SCAPER: variants seen among roughly 807,000 people sequenced by gnomAD.
SCAPER encodes S-phase cyclin A associated protein in the ER.
Under a neutral mutation model 182.2 loss-of-function variants are expected in SCAPER, and 98 were observed. The observed-to-expected ratio is 0.54, with a 90% CI of 0.46 to 0.64. The LOEUF (loss-of-function observed/expected upper bound fraction) is 0.64. Among genes scored for constraint, SCAPER ranks in the 30% least tolerant of loss-of-function variants. The probability of loss-of-function intolerance (pLI) is 0.00; values close to 1 mark genes in which losing one functional copy is unlikely to be tolerated. For missense variants in SCAPER, 1,432 were observed against 1,690.0 expected, an observed-to-expected ratio of 0.85 and a Z score of 2.68; for synonymous variants, 605 against 564.6, an observed-to-expected ratio of 1.07 and a Z score of -1.01.
At chr15:76,477,097 A>G (rs536840922) in intron 24 of SCAPER, among the ~76,000 whole-genome samples, 1 of 152,116 alleles carries the variant, frequency 6.6e-6, no homozygotes, top group Non-Finnish European at 1.5e-5. Flanking sequence ...AAAGAACACA[A>G]CACCAAACTG....
intron 23 of SCAPER, among the ~76,000 whole-genome samples, chr15:76,513,504 G>A (rs1009747273): frequency 1.3e-5 from 2 of 152,134 alleles, no homozygotes; most frequent in Non-Finnish European, 2.9e-5. Context: ...AGCATGTGGC[G>A]TTAAATACCT....
rs764349202 is a variant in SCAPER, at chr15:76,765,387, T to C, written c.1563A>G (p.Pro521=). 1.2e-5 allele frequency: 19 copies of C among 1,613,872 alleles called. No individual in the cohort carries two copies. The highest frequency in any genetic ancestry group is 1.7e-5 in the Admixed American group (1 of 59,984). ...TTTCATGCATGTGAATTCCATGCCC[T>C]GGAGGTCTAGCAGGTTCTTCTTCTA... The part of the protein sequence containing the change: ...DIVEEEPARP[P]GHGIHMHEKL... The change falls in exon 13 of 32, where the codon CCA becomes CCG. Residue 521 remains proline (P), a synonymous_variant. Transcript: ENST00000563290.
chr15:76,662,921 C>A (rs2056306557), intron 21 of SCAPER, among the ~76,000 whole-genome samples: 1 of 151,426 alleles, frequency 6.6e-6, no homozygotes, highest in African/African-American at 2.4e-5. Context: ...TTAGACACAC[C>A]CAGAAAGCAC....
At chr15:76,648,800 A>G (rs2054768526) in intron 21 of SCAPER, among the ~76,000 whole-genome samples, 1 of 152,228 alleles carries the variant, frequency 6.6e-6, no homozygotes, top group Non-Finnish European at 1.5e-5. Context: ...CTGTGCCAAT[A>G]GGGAAAAAAG....
chr15:76,509,248 T>C (rs1159729169), intron 23 of SCAPER, among the ~76,000 whole-genome samples: 1 of 152,212 alleles, frequency 6.6e-6, no homozygotes, highest in Admixed American at 6.5e-5. Flanking sequence ...CATTTGCTCC[T>C]TTAGATTATC....
At chr15:76,644,020 A>G (rs899569970) in intron 21 of SCAPER, among the ~76,000 whole-genome samples, 1 of 152,148 alleles carries the variant, frequency 6.6e-6, no homozygotes, top group Non-Finnish European at 1.5e-5. Context: ...TCATATTAAG[A>G]CAGTAATTAT....
intron 2 of SCAPER, among the ~76,000 whole-genome samples, chr15:76,875,093 G>T (rs990470437): frequency 6.6e-6 from 1 of 152,122 alleles, no homozygotes. Flanking sequence ...CAGAAAATCT[G>T]AATAGTTACT....
At chr15:76,368,219 G>C (rs1333035617) in intron 29 of SCAPER, among the ~76,000 whole-genome samples, 1 of 152,216 alleles carries the variant, frequency 6.6e-6, no homozygotes, top group Non-Finnish European at 1.5e-5. Flanking sequence ...TACCAAGTGG[G>C]TGTGACCTAG....
intron 14 of SCAPER, among the ~76,000 whole-genome samples, chr15:76,755,524 G>A (rs896704825): frequency 6.6e-6 from 1 of 152,114 alleles, no homozygotes. Flanking sequence ...GAGTTCACCT[G>A]TAATTACAAT....
At chr15:76,814,440 C>A (rs956030585) in intron 5 of SCAPER, among the ~76,000 whole-genome samples, 1 of 151,920 alleles carries the variant, frequency 6.6e-6, no homozygotes, top group Non-Finnish European at 1.5e-5. Context: ...CGAAATGTAA[C>A]AGAAAGCCCA....
chr15:76,652,518 T>TACATACACAC (rs139738135), intron 21 of SCAPER, among the ~76,000 whole-genome samples: 1 of 88,926 alleles, frequency 1.1e-5, no homozygotes, highest in African/African-American at 4.5e-5. Context: ...TTTACATACA[T>TACATACACAC]ACACACACAC....
At chr15:76,772,088 C>G in intron 9 of SCAPER, 134 bp from the exon 10 acceptor site, 1 of 669,306 alleles carries the variant, frequency 1.5e-6, no homozygotes, top group South Asian at 2.0e-5. Flanking sequence ...AGAAAATTTA[C>G]TCATCTTTTT....
At chr15:76,425,722 C>T (rs1321232717) in intron 26 of SCAPER, among the ~76,000 whole-genome samples, 1 of 152,170 alleles carries the variant, frequency 6.6e-6, no homozygotes, top group African/African-American at 2.4e-5. Context: ...CTTTTCTGCT[C>T]TGTTTTTTTC....
At chr15:76,571,063 C>T (rs1267365162) in intron 23 of SCAPER, among the ~76,000 whole-genome samples, 1 of 152,120 alleles carries the variant, frequency 6.6e-6, no homozygotes, top group Non-Finnish European at 1.5e-5. Flanking sequence ...TATTAGACCT[C>T]ATACCTAGGC....
chr15:76,732,682 C>T (rs2060988741), intron 16 of SCAPER, among the ~76,000 whole-genome samples: 1 of 152,176 alleles, frequency 6.6e-6, no homozygotes, highest in South Asian at 2.1e-4. Context: ...TACTCCTCCA[C>T]CTCTTGTGCC....
intron 23 of SCAPER, among the ~76,000 whole-genome samples, chr15:76,509,254 T>G (rs1237327229): frequency 6.6e-6 from 1 of 152,202 alleles, no homozygotes; most frequent in East Asian, 1.9e-4. Context: ...CTCCTTTAGA[T>G]TATCCCCTCT....
At chr15:76,495,468 C>T (rs552091269) in intron 24 of SCAPER, among the ~76,000 whole-genome samples, 1 of 149,522 alleles carries the variant, frequency 6.7e-6, no homozygotes, top group Non-Finnish European at 1.5e-5. Flanking sequence ...ATCCCAGCTA[C>T]TTGGGAGGCT....
chr15:76,711,828 T>A (rs1193394628), intron 17 of SCAPER, among the ~76,000 whole-genome samples: 1 of 152,210 alleles, frequency 6.6e-6, no homozygotes, highest in South Asian at 2.1e-4. Context: ...TTGTAGATTC[T>A]GGATATTAGC....
chr15:76,502,342 C>A (rs1417448320), intron 24 of SCAPER, among the ~76,000 whole-genome samples: 2 of 152,234 alleles, frequency 1.3e-5, no homozygotes, highest in Middle Eastern at 3.4e-3. Flanking sequence ...CAATGATAGA[C>A]TGGATTAAGA....
Sources: allele counts gnomAD v4.1 joint callset (sites outside exome capture counted in the v4.1 genomes callset), GRCh38; gene constraint gnomAD v4.1.1; transcripts MANE v1.5; gene names NCBI Gene and HGNC (gene_info 2026-07-23, HGNC 2026-07-21).